Variants in PIK3R3 observed in about 807,000 individuals in gnomAD.
PIK3R3 encodes the protein phosphatidylinositol 3-kinase regulatory subunit gamma.
PIK3R3 carries 64 observed loss-of-function variants against 62.9 expected under a neutral mutation model. That is an observed-to-expected ratio of 1.02 (90% CI 0.83 to 1.25). The LOEUF is 1.25. PIK3R3 is among the 50% of genes most tolerant of loss of function. The pLI, the probability that PIK3R3 is intolerant of heterozygous loss-of-function variation, is 0.00. For synonymous variants in PIK3R3, 165 were observed against 189.0 expected, an observed-to-expected ratio of 0.87 and a Z score of 1.04; for missense variants, 614 against 561.6, an observed-to-expected ratio of 1.09 and a Z score of -0.94.
the PIK3R3 span, among the ~76,000 whole-genome samples, chr1:46,174,259 C>A: frequency 6.6e-6 from 1 of 152,052 alleles, no homozygotes; most frequent in Non-Finnish European, 1.5e-5. Flanking sequence ...ATGTATGGCC[C>A]CTCTTGGGCC....
chr1:46,104,208 G>A (rs1324628686), intron 1 of PIK3R3, among the ~76,000 whole-genome samples: 2 of 151,822 alleles, frequency 1.3e-5, no homozygotes, highest in African/African-American at 2.4e-5. Context: ...GATTACAGGC[G>A]TGAGCCACCA....
the PIK3R3 span, among the ~76,000 whole-genome samples, chr1:46,173,223 G>A: frequency 1.3e-5 from 2 of 152,300 alleles, no homozygotes; most frequent in East Asian, 3.9e-4. Flanking sequence ...ACCTATGGGA[G>A]AAGGAAGAAC....
the PIK3R3 span, among the ~76,000 whole-genome samples, chr1:46,147,515 G>A: frequency 6.6e-6 from 1 of 151,892 alleles, no homozygotes; most frequent in Non-Finnish European, 1.5e-5. Flanking sequence ...CCTCCCGAGT[G>A]CACGCCATTC....
In PIK3R3 at chr1:46,088,316, C is replaced by A. The variant is rs75264320; in HGVS notation, c.107-7566G>T. On this transcript the variant is annotated intron_variant, in intron 1 of 9. Coordinates refer to ENST00000262741, the MANE Select transcript of PIK3R3 (RefSeq NM_003629.4). ...TTTACCACAACTTAAAATAAAAAAA[C>A]AACAGACATTTGAGGAAAGCCATTA... 5.1e-5 allele frequency among the ~76,000 whole-genome samples: 5 copies of A among 97,706 alleles called. No individual in the cohort carries two copies. The South Asian group carries it at 8.7e-4, about 17-fold the overall frequency. The allele number at this position is 97,706 out of a possible 152,430, so 64.1% of individuals were successfully genotyped here. A position where few individuals can be genotyped will look rare whatever the true frequency, so the allele number is the denominator to read the frequency against.
chr1:46,106,719 C>T (rs548044550), intron 1 of PIK3R3, among the ~76,000 whole-genome samples: 1 of 152,258 alleles, frequency 6.6e-6, no homozygotes, highest in South Asian at 2.1e-4. Flanking sequence ...AAATGATACC[C>T]CAGGGATCAG....
At chr1:46,157,255 ACC>A in the PIK3R3 span, among the ~76,000 whole-genome samples, 7 of 152,114 alleles carry the variant, frequency 4.6e-5, no homozygotes, top group Non-Finnish European at 1.0e-4. Flanking sequence ...CACCTCAGCC[ACC>A]CAAGTAGCTG....
intron 1 of PIK3R3, among the ~76,000 whole-genome samples, chr1:46,100,522 A>T (rs1196660419): frequency 6.6e-6 from 1 of 152,166 alleles, no homozygotes; most frequent in Non-Finnish European, 1.5e-5. Flanking sequence ...CATTGCCTTA[A>T]ATATTAATAA....
intron 7 of PIK3R3, among the ~76,000 whole-genome samples, chr1:46,052,911 G>A (rs1205989013): frequency 1.3e-5 from 2 of 152,236 alleles, no homozygotes; most frequent in East Asian, 1.9e-4. Flanking sequence ...AGGTATCACA[G>A]AATTCCACCC....
the PIK3R3 span, among the ~76,000 whole-genome samples, chr1:46,157,554 A>G: frequency 2.0e-5 from 3 of 152,156 alleles, no homozygotes; most frequent in Admixed American, 6.5e-5. Context: ...GAAAGTCAAA[A>G]CAGCCTTTTG....
chr1:46,045,912 A>G lies in PIK3R3; in HGVS notation c.1187+6T>C. The stretch of plus-strand genomic sequence containing the variant: ...TCAAAAGGTTATATCCCCAGAGAAG[A>G]CTTACACCACAGAGCAAGCATAGCA... On this transcript the variant is annotated splice_donor_region_variant and intron_variant, in intron 9 of 9. Coordinates refer to ENST00000262741, the MANE Select transcript of PIK3R3 (RefSeq NM_003629.4). 6.2e-7 allele frequency: 1 copy of G among 1,609,498 alleles called. No individual in the cohort carries two copies. Among genetic ancestry groups the G allele is most frequent in the East Asian group, 2.2e-5 (1 of 44,814 alleles).
chr1:46,139,117 T>G, the PIK3R3 span: 1 of 152,318 alleles, frequency 6.6e-6, no homozygotes, highest in African/African-American at 2.4e-5. Context: ...AGTAGATTAA[T>G]TAAATGTTAA....
At chr1:46,151,963 G>A in the PIK3R3 span, among the ~76,000 whole-genome samples, 2 of 152,154 alleles carry the variant, frequency 1.3e-5, no homozygotes, top group African/African-American at 2.4e-5. Context: ...ACCACCCTGG[G>A]TTTGGCAGCT....
intron 1 of PIK3R3, among the ~76,000 whole-genome samples, chr1:46,131,458 G>A (rs904595277): frequency 3.3e-5 from 5 of 152,162 alleles, no homozygotes; most frequent in African/African-American, 1.2e-4. Context: ...TGAAAGACTG[G>A]TTTTAACCCC....
chr1:46,062,660 A>G (rs967409895), intron 5 of PIK3R3, among the ~76,000 whole-genome samples: 1 of 152,222 alleles, frequency 6.6e-6, no homozygotes, highest in Non-Finnish European at 1.5e-5. Context: ...AAAGGCAATA[A>G]ATATGCATAA....
chr1:46,059,160 G>A (rs1453242535), intron 6 of PIK3R3, among the ~76,000 whole-genome samples: 1 of 152,198 alleles, frequency 6.6e-6, no homozygotes, highest in Non-Finnish European at 1.5e-5. Flanking sequence ...TGTAAGACGT[G>A]ATTTGCTCTT....
chr1:46,067,687 C>T (rs1464633357), intron 3 of PIK3R3, among the ~76,000 whole-genome samples: 1 of 152,120 alleles, frequency 6.6e-6, no homozygotes, highest in East Asian at 1.9e-4. Context: ...TTGTCTTTTA[C>T]ACTTGCTTAT....
At chr1:46,096,367 T>A (rs1304980178) in intron 1 of PIK3R3, among the ~76,000 whole-genome samples, 3 of 152,234 alleles carry the variant, frequency 2.0e-5, no homozygotes, top group Non-Finnish European at 4.4e-5. Flanking sequence ...TGGTTGATTA[T>A]ATCACCATAG....
intron 1 of PIK3R3, among the ~76,000 whole-genome samples, chr1:46,082,192 CAATACACTA>C (rs1315107584): frequency 6.6e-6 from 1 of 152,074 alleles, no homozygotes; most frequent in African/African-American, 2.4e-5. Flanking sequence ...GGCCCCAATA[CAATACACTA>C]AAAAGGATGT....
Position 46,072,382 on chromosome 1 carries a change from C to T in PIK3R3, c.314+5133G>A, listed in dbSNP as rs758356150. The stretch of plus-strand genomic sequence containing the variant: ...GGCCTAGCTCAACTGTCATTTCCTG[C>T]GAGAAACTTTCTCTCTGTCTTTCTC... On this transcript the variant is annotated intron_variant, in intron 3 of 9. Transcript: ENST00000262741. Among the ~76,000 whole-genome samples the T allele has an allele frequency of 2.8e-4, 43 of 152,304 alleles. 1 individual carries two copies. The Middle Eastern group carries it at 0.034, about 120-fold the overall frequency.
Sources: gnomAD v4.1 joint callset for allele counts (sites outside exome capture counted in the v4.1 genomes callset) on GRCh38, gnomAD v4.1.1 for gene constraint, MANE v1.5 for transcripts, NCBI Gene and HGNC (gene_info 2026-07-23, HGNC 2026-07-21) for gene names.